Variants in FARP2 observed in about 807,000 individuals in gnomAD.
FARP2 encodes FERM, ARH/RhoGEF and pleckstrin domain protein 2.
FARP2 carries 111 observed loss-of-function variants against 130.5 expected under a neutral mutation model. The observed-to-expected ratio is 0.85, with a 90% confidence interval of 0.73 to 1.00. The LOEUF (loss-of-function observed/expected upper bound fraction) is 1.00, where lower values mean the gene tolerates loss of function less well. Ranked by LOEUF, FARP2 falls within the 50% of genes least tolerant of loss-of-function variation. The pLI is 0.00. For missense variants in FARP2, 1,385 were observed against 1,346.3 expected (o/e 1.03, Z -0.45); for synonymous variants, 504 against 516.9 (o/e 0.98, Z 0.34).
At chr2:241,402,244 C>A (rs1261798170) in intron 2 of FARP2, among the ~76,000 whole-genome samples, 1 of 152,228 alleles carries the variant, frequency 6.6e-6, no homozygotes, top group Non-Finnish European at 1.5e-5. Context: ...ATTATCAGGT[C>A]ATATGAACTT....
At chr2:241,470,766 ACT>A (rs1320863490) in intron 18 of FARP2, among the ~76,000 whole-genome samples, 1 of 150,164 alleles carries the variant, frequency 6.7e-6, no homozygotes, top group Non-Finnish European at 1.5e-5. Context: ...CTCTGAGGAG[ACT>A]CTATTCTGTG....
chr2:241,476,137 C>T (rs2064452119), intron 19 of FARP2, 150 bp downstream of exon 19: 1 of 607,364 alleles, frequency 1.6e-6, no homozygotes, highest in Non-Finnish European at 2.7e-6. Flanking sequence ...CTTTGGGAGG[C>T]TGAGGTGGGA....
chr2:241,368,604 C>T lies in FARP2; in HGVS notation c.-24-4480C>T, dbSNP rs555597727. Among the ~76,000 whole-genome samples, 15 of 152,180 alleles carry T rather than the reference C, an allele frequency of 9.9e-5. No individual in the cohort carries two copies. The South Asian group carries it at 2.7e-3, about 27-fold the overall frequency. On this transcript the variant is annotated intron_variant, in intron 1 of 26. Transcript: ENST00000264042. ...CACCGAGGTTAACCGACAGTCACAA[C>T]AATGGGGTTACCTGCCGGTATTCTA...
chr2:241,373,375 C>A, intron 2 of FARP2, 85 bp downstream of exon 2: 1 of 938,378 alleles, frequency 1.1e-6, no homozygotes, highest in Non-Finnish European at 1.4e-6. Context: ...GCTGGTTAGA[C>A]TTTGCATATT....
intron 1 of FARP2, among the ~76,000 whole-genome samples, chr2:241,357,341 ACAG>A (rs10557084): frequency 0.03 from 4,571 of 152,298 alleles, 176 homozygotes; most frequent in African/African-American, 0.09. Flanking sequence ...CTGCCTTATA[ACAG>A]GCGACACAGA....
rs145726049 is a variant in FARP2 at position 241,462,143 on chromosome 2, C to T, written c.1588-380C>T. ...CTCTGATGCAGGCACACTTAGAATGCGCACTGTTTGCTCATTTTAATGACT... is the reference window on the plus strand; with the variant it reads ...CTCTGATGCAGGCACACTTAGAATGTGCACTGTTTGCTCATTTTAATGACT... On this transcript the variant is annotated intron_variant, in intron 14 of 26. Transcript: ENST00000264042. Among the ~76,000 whole-genome samples the T allele has an allele frequency of 3.8e-3, 581 of 152,308 alleles. 1 individual carries two copies. The highest frequency in any genetic ancestry group is 6.8e-3 in the Non-Finnish European group (462 of 68,036).
At chr2:241,431,264 T>C (rs1268298240) in intron 8 of FARP2, among the ~76,000 whole-genome samples, 1 of 152,088 alleles carries the variant, frequency 6.6e-6, no homozygotes, top group Non-Finnish European at 1.5e-5. Flanking sequence ...GCCTCGAGTT[T>C]GAGACCAGCC....
At chr2:241,440,702 A>G (rs761181915) in intron 12 of FARP2, among the ~76,000 whole-genome samples, 32 of 151,970 alleles carry the variant, frequency 2.1e-4, no homozygotes, top group Non-Finnish European at 4.1e-4. Flanking sequence ...TGGACTTGTT[A>G]CTCACCTGTC....
In FARP2 at chr2:241,459,975, C is replaced by T. The variant is rs1383471122; in HGVS notation, c.1588-2548C>T. On this transcript the variant is annotated intron_variant, in intron 14 of 26. Transcript: ENST00000264042. This position sits in a 1 kb window ranked among gnomAD's most constrained non-coding sequence, Gnocchi z 5.3. ...GGCGTATGTGTCTCTATGTGCCTCGCCCCTGGAGGAGTGGAGCTGCTCCGG... is the reference window on the plus strand; with the variant it reads ...GGCGTATGTGTCTCTATGTGCCTCGTCCCTGGAGGAGTGGAGCTGCTCCGG... 2.6e-5 allele frequency among the ~76,000 whole-genome samples: 4 copies of T among 152,170 alleles called. No individual in the cohort carries two copies. Among genetic ancestry groups the T allele is most frequent in the Non-Finnish European group, 5.9e-5 (4 of 68,026 alleles).
At chr2:241,493,889 A>G (rs1461828285) in intron 26 of FARP2, 119 bp from the exon 27 acceptor site, 3 of 609,010 alleles carry the variant, frequency 4.9e-6, no homozygotes. Flanking sequence ...GAGCCACCGC[A>G]CCCGGCCCCA....
chr2:241,464,292 G>T (rs1229534601), intron 17 of FARP2, among the ~76,000 whole-genome samples: 2 of 151,048 alleles, frequency 1.3e-5, no homozygotes, highest in African/African-American at 4.9e-5. Flanking sequence ...CCTCAGAGTG[G>T]GGTTTCCTCA....
chr2:241,429,914 CT>C (rs1004495559), intron 8 of FARP2, among the ~76,000 whole-genome samples: 2 of 152,180 alleles, frequency 1.3e-5, no homozygotes, highest in African/African-American at 4.8e-5. Flanking sequence ...AGAAAGGTTA[CT>C]TTTTGTCCTT....
intron 8 of FARP2, among the ~76,000 whole-genome samples, chr2:241,426,275 A>T (rs1422004553): frequency 6.6e-6 from 1 of 152,228 alleles, no homozygotes; most frequent in Admixed American, 6.5e-5. Flanking sequence ...AGGGATAGGT[A>T]CATGCCGGTG....
intron 8 of FARP2, among the ~76,000 whole-genome samples, chr2:241,430,241 A>G (rs2063057761): frequency 6.6e-6 from 1 of 152,156 alleles, no homozygotes; most frequent in South Asian, 2.1e-4. Context: ...CTTTCATTTT[A>G]TGAACACTTC....
intron 3 of FARP2, 139 bp from the exon 4 acceptor site, chr2:241,404,660 C>T (rs1174093146): frequency 1.1e-4 from 66 of 613,416 alleles, no homozygotes; most frequent in Non-Finnish European, 1.7e-5. Context: ...CAGGATTCAA[C>T]CTTTAAGAGG....
chr2:241,429,351 C>G (rs917982953), intron 8 of FARP2, among the ~76,000 whole-genome samples: 6 of 152,156 alleles, frequency 3.9e-5, no homozygotes, highest in African/African-American at 1.4e-4. Context: ...TTCCTCCTTT[C>G]CTTGGTTTTC....
At chr2:241,402,524 TC>T (rs1281206048) in intron 2 of FARP2, among the ~76,000 whole-genome samples, 2 of 152,134 alleles carry the variant, frequency 1.3e-5, no homozygotes, top group African/African-American at 4.8e-5. Context: ...TTAAGTCAAG[TC>T]TGTCCATCTT....
At chr2:241,411,263 C>A in intron 6 of FARP2, 133 bp downstream of exon 6, 2 of 642,686 alleles carry the variant, frequency 3.1e-6, no homozygotes, top group East Asian at 5.6e-5. Context: ...GTTTCAACTT[C>A]AGTGTTTTTT....
At chr2:241,481,139 G>A (rs1048521641) in intron 19 of FARP2, among the ~76,000 whole-genome samples, 2 of 151,932 alleles carry the variant, frequency 1.3e-5, no homozygotes, top group East Asian at 3.9e-4. Context: ...TGAGGCAAGT[G>A]GATCACTTGA....
Sources: allele counts gnomAD v4.1 joint callset (sites outside exome capture counted in the v4.1 genomes callset), GRCh38; gene constraint gnomAD v4.1.1; non-coding constraint Gnocchi (gnomAD v3.1); transcripts MANE v1.5; gene names NCBI Gene and HGNC (gene_info 2026-07-23, HGNC 2026-07-21).